RTL4: variants seen among roughly 807,000 people sequenced by gnomAD.
RTL4 encodes the protein retrotransposon Gag like 4.
In RTL4, 4 loss-of-function variants were observed where a neutral mutation model predicts 5.3. That is an observed-to-expected ratio of 0.75 (90% CI 0.37 to 1.72). The LOEUF (loss-of-function observed/expected upper bound fraction) is 1.72. RTL4 is among the 40% of genes most tolerant of loss of function. The pLI is 0.04. For missense variants in RTL4, 260 were observed against 227.1 expected (o/e 1.14, Z -0.93); for synonymous variants, 98 against 87.3 (o/e 1.12, Z -0.68).
At chrX:112,125,296 A>T in the RTL4 span, among the ~76,000 whole-genome samples, 1 of 111,605 alleles carries the variant, frequency 9.0e-6, no homozygotes, top group African/African-American at 3.3e-5. Flanking sequence ...TGGATTAAGA[A>T]ATCTTTCTTT....
the RTL4 span, among the ~76,000 whole-genome samples, chrX:112,391,514 A>G: frequency 1.8e-5 from 2 of 110,282 alleles, no homozygotes; most frequent in Non-Finnish European, 3.8e-5. Flanking sequence ...TCACAGGGCC[A>G]AGGCTTTGCG....
chrX:112,398,081 A>G, the RTL4 span, among the ~76,000 whole-genome samples: 1 of 111,567 alleles, frequency 9.0e-6, no homozygotes, highest in Admixed American at 9.5e-5. Context: ...GGGGGAAATC[A>G]TTCACTCTTT....
At chrX:112,314,602 C>T in the RTL4 span, among the ~76,000 whole-genome samples, 1 of 107,191 alleles carries the variant, frequency 9.3e-6, no homozygotes, top group African/African-American at 3.4e-5. Context: ...TGCAACTAGA[C>T]AGGTTGTAAA....
chrX:112,117,505 A>G, the RTL4 span, among the ~76,000 whole-genome samples: 171 of 111,691 alleles, frequency 1.5e-3, 1 homozygote, highest in African/African-American at 5.3e-3. Flanking sequence ...TAAATCAATA[A>G]AAAGCTAATT....
the RTL4 span, among the ~76,000 whole-genome samples, chrX:112,358,114 A>G: frequency 3.7e-5 from 4 of 108,557 alleles, no homozygotes; most frequent in Non-Finnish European, 5.7e-5. Flanking sequence ...TTACTTATTT[A>G]TTTATTTATT....
the RTL4 span, among the ~76,000 whole-genome samples, chrX:112,144,510 G>T: frequency 4.5e-5 from 5 of 111,231 alleles, no homozygotes; most frequent in African/African-American, 1.6e-4. Flanking sequence ...GAACCACTGA[G>T]TTCTCAAAGG....
the RTL4 span, among the ~76,000 whole-genome samples, chrX:112,413,241 C>T: frequency 9.0e-5 from 10 of 111,529 alleles, no homozygotes; most frequent in African/African-American, 3.3e-4. Flanking sequence ...AAAGAGAACC[C>T]ATGCACCTGT....
the RTL4 span, among the ~76,000 whole-genome samples, chrX:112,291,617 G>A: frequency 9.5e-6 from 1 of 105,513 alleles, no homozygotes; most frequent in African/African-American, 3.6e-5. Context: ...TTTTTTTTTT[G>A]ACGGAGTCTT....
chrX:112,323,543 G>T, the RTL4 span, among the ~76,000 whole-genome samples: 1 of 109,491 alleles, frequency 9.1e-6, no homozygotes, highest in East Asian at 2.8e-4. Flanking sequence ...CCAGGCTGGA[G>T]TGCAGTGGTA....
At chrX:112,188,137 T>C in the RTL4 span, among the ~76,000 whole-genome samples, 1 of 111,606 alleles carries the variant, frequency 9.0e-6, no homozygotes, top group Non-Finnish European at 1.9e-5. Flanking sequence ...ATTATCTTCA[T>C]TTTGCACATG....
chrX:112,259,074 T>C, the RTL4 span, among the ~76,000 whole-genome samples: 1 of 111,603 alleles, frequency 9.0e-6, no homozygotes, highest in Non-Finnish European at 1.9e-5. Flanking sequence ...TATAGTTTGA[T>C]AATATGTTTT....
At chrX:112,384,098 A>G in the RTL4 span, among the ~76,000 whole-genome samples, 2,295 of 112,312 alleles carry the variant, frequency 0.02, 51 homozygotes, top group African/African-American at 0.063. Context: ...TATTATAAGG[A>G]CATGATTAAT....
the RTL4 span, among the ~76,000 whole-genome samples, chrX:112,092,601 T>C: frequency 9.0e-6 from 1 of 111,556 alleles, no homozygotes; most frequent in Non-Finnish European, 1.9e-5. Context: ...ATGATATGAT[T>C]TGGTTTTGTG....
the RTL4 span, among the ~76,000 whole-genome samples, chrX:112,326,158 G>A: frequency 1.8e-5 from 2 of 111,819 alleles, no homozygotes; most frequent in Non-Finnish European, 3.8e-5. Context: ...GAGCCAAGAT[G>A]GCCGAATAGG....
chrX:112,087,329 C>CA, the RTL4 span, among the ~76,000 whole-genome samples: 1 of 91,283 alleles, frequency 1.1e-5, no homozygotes, highest in African/African-American at 4.0e-5. Context: ...TGGTCTTCAG[C>CA]TTTTTTTTTT....
At chrX:112,376,120 G>A in the RTL4 span, among the ~76,000 whole-genome samples, 1 of 110,936 alleles carries the variant, frequency 9.0e-6, no homozygotes. Context: ...GGCCAGAGAT[G>A]CTACTAAACA....
the RTL4 span, among the ~76,000 whole-genome samples, chrX:112,174,476 T>A: frequency 9.4e-6 from 1 of 105,827 alleles, no homozygotes; most frequent in Non-Finnish European, 1.9e-5. Context: ...TAATCCAGTC[T>A]ATCATTGATG....
the RTL4 span, among the ~76,000 whole-genome samples, chrX:112,232,705 C>T: frequency 8.9e-6 from 1 of 112,052 alleles, no homozygotes; most frequent in African/African-American, 3.2e-5. Flanking sequence ...GCAGAAAAGA[C>T]TGGAGTGGGC....
At chrX:112,209,881 C>T in the RTL4 span, among the ~76,000 whole-genome samples, 2 of 111,754 alleles carry the variant, frequency 1.8e-5, no homozygotes, top group African/African-American at 6.5e-5. Flanking sequence ...GAGTAGTTAT[C>T]TGCAGAAGAT....
Sources: gnomAD v4.1 joint callset for allele counts (sites outside exome capture counted in the v4.1 genomes callset) on GRCh38, gnomAD v4.1.1 for gene constraint, MANE v1.5 for transcripts, NCBI Gene and HGNC (gene_info 2026-07-23, HGNC 2026-07-21) for gene names.